CYP2J2: variants seen among roughly 807,000 people sequenced by gnomAD.
CYP2J2 encodes cytochrome P450 family 2 subfamily J member 2.
A neutral mutation model predicts 48.8 loss-of-function variants in CYP2J2; 41 were observed. The ratio of observed to expected loss-of-function variants is 0.84; its 90% CI spans 0.66 to 1.09. CYP2J2 has a LOEUF of 1.09. Ranked by LOEUF, CYP2J2 falls within the 50% of genes least tolerant of loss-of-function variation. The pLI, the probability that CYP2J2 is intolerant of heterozygous loss-of-function variation, is 0.00. For synonymous variants in CYP2J2, 221 were observed against 227.1 expected (o/e 0.97, Z 0.24); for missense variants, 644 against 617.3 (o/e 1.04, Z -0.46).
the CYP2J2 span, among the ~76,000 whole-genome samples, chr1:59,958,322 C>G: frequency 4.5e-4 from 68 of 152,292 alleles, 1 homozygote; most frequent in Admixed American, 3.5e-3. Context: ...TTGGAATTCA[C>G]AGTTTATTAT....
intron 1 of CYP2J2, among the ~76,000 whole-genome samples, chr1:59,925,331 A>C (rs1025517102): frequency 6.6e-6 from 1 of 152,194 alleles, no homozygotes; most frequent in African/African-American, 2.4e-5. Context: ...ACTTCACCCA[A>C]CAATAATTTA....
chr1:59,920,003 G>GA (rs1400356274), intron 1 of CYP2J2, among the ~76,000 whole-genome samples: 2 of 151,788 alleles, frequency 1.3e-5, no homozygotes, highest in Non-Finnish European at 2.9e-5. Flanking sequence ...TGACTGTGCA[G>GA]AAAAAAAATG....
At chr1:59,929,463 A>G (rs1462558076), upstream of CYP2J2, among the ~76,000 whole-genome samples, 1 of 152,242 alleles carries the variant, frequency 6.6e-6, no homozygotes, top group African/African-American at 2.4e-5. Flanking sequence ...CAAAGACTGT[A>G]AAGCAACTTA....
chr1:59,917,609 T>A (rs1200136524), intron 1 of CYP2J2, among the ~76,000 whole-genome samples: 2 of 151,618 alleles, frequency 1.3e-5, no homozygotes, highest in Non-Finnish European at 2.9e-5. Context: ...TAAGAATGAG[T>A]GAGAGTGAGA....
chr1:59,916,457 T>C (rs1339875540), intron 1 of CYP2J2, among the ~76,000 whole-genome samples: 2 of 152,172 alleles, frequency 1.3e-5, no homozygotes, highest in African/African-American at 2.4e-5. Context: ...GTTCTGGCCA[T>C]GTGCAGTGGC....
chr1:59,948,715 C>G, the CYP2J2 span, among the ~76,000 whole-genome samples: 1 of 152,054 alleles, frequency 6.6e-6, no homozygotes, highest in Non-Finnish European at 1.5e-5. Context: ...TCAGTTAAAC[C>G]CTGTGTTGTT....
chr1:59,919,268 T>C (rs1644492571), intron 1 of CYP2J2, among the ~76,000 whole-genome samples: 1 of 152,250 alleles, frequency 6.6e-6, no homozygotes, highest in African/African-American at 2.4e-5. Context: ...GTTTATGTCT[T>C]TCAAACATTT....
the CYP2J2 span, among the ~76,000 whole-genome samples, chr1:59,965,658 T>C: frequency 6.6e-6 from 1 of 150,776 alleles, no homozygotes; most frequent in Non-Finnish European, 1.5e-5. Context: ...CAAATTCTGT[T>C]TTTTTGTTTT....
chr1:59,957,025 T>C, the CYP2J2 span, among the ~76,000 whole-genome samples: 1 of 152,220 alleles, frequency 6.6e-6, no homozygotes, highest in Non-Finnish European at 1.5e-5. Context: ...ATCCCCATCA[T>C]GCCTGTTCCA....
At chr1:59,920,670 C>G (rs759191110) in intron 1 of CYP2J2, among the ~76,000 whole-genome samples, 1 of 151,956 alleles carries the variant, frequency 6.6e-6, no homozygotes, top group East Asian at 1.9e-4. Context: ...GGTTTTCAAT[C>G]AGAATTCTAA....
rs933401471 is a variant in CYP2J2, at chr1:59,912,465, A to G, written c.374-154T>C. The G allele has an allele frequency of 3.2e-5, 23 of 723,842 alleles. No homozygotes were observed. The Middle Eastern group carries it at 1.6e-3, about 52-fold the overall frequency. 44.8% of individuals were successfully genotyped at this position (723,842 alleles called of 1,614,324 possible). A position where few individuals can be genotyped will look rare whatever the true frequency, so the allele number is the denominator to read the frequency against. On this transcript the variant is annotated intron_variant, in intron 2 of 8. Coordinates refer to ENST00000371204, the MANE Select transcript of CYP2J2 (RefSeq NM_000775.4). The stretch of plus-strand genomic sequence containing the variant: ...AAATAATCCCAAAGCAATGGATATA[A>G]TGGCTAATATTTACTGATTGCTTGC...
At chr1:59,909,240 T>C (rs543314001) in intron 5 of CYP2J2, among the ~76,000 whole-genome samples, 184 of 152,290 alleles carry the variant, frequency 1.2e-3, no homozygotes, top group Non-Finnish European at 2.3e-3. Context: ...GGCTGAGTAA[T>C]GACCCGCAAA....
the CYP2J2 span, among the ~76,000 whole-genome samples, chr1:59,960,209 C>A: frequency 6.6e-6 from 1 of 151,928 alleles, no homozygotes; most frequent in African/African-American, 2.4e-5. Flanking sequence ...GGGAAAACAG[C>A]CAATAAGGAT....
chr1:59,893,857 A>G, intron 8 of CYP2J2, 28 bp from the exon 9 acceptor site: 1 of 1,579,182 alleles, frequency 6.3e-7, no homozygotes, highest in Non-Finnish European at 8.6e-7. Flanking sequence ...AAGACGGGTT[A>G]TCTTCTCAGG....
At chr1:59,906,814 A>G (rs1228927443) in intron 6 of CYP2J2, among the ~76,000 whole-genome samples, 1 of 152,216 alleles carries the variant, frequency 6.6e-6, no homozygotes, top group Non-Finnish European at 1.5e-5. Flanking sequence ...TATAAAGCAT[A>G]CATTATGCAA....
the CYP2J2 span, among the ~76,000 whole-genome samples, chr1:59,951,550 G>C: frequency 1.3e-5 from 2 of 152,240 alleles, no homozygotes; most frequent in South Asian, 2.1e-4. Context: ...AACTAGGCTT[G>C]GGTCCTATTT....
chr1:59,928,935 C>A (rs76909898), upstream of CYP2J2, among the ~76,000 whole-genome samples: 1,245 of 152,322 alleles, frequency 8.2e-3, 14 homozygotes, highest in African/African-American at 0.028. Flanking sequence ...ATCTCAAAGT[C>A]TGGCCTCAAA....
chr1:59,958,956 C>T, the CYP2J2 span, among the ~76,000 whole-genome samples: 1 of 152,262 alleles, frequency 6.6e-6, no homozygotes, highest in South Asian at 2.1e-4. Context: ...CATTCACTTA[C>T]CTTATCTGCC....
the CYP2J2 span, among the ~76,000 whole-genome samples, chr1:59,954,125 C>T: frequency 2.6e-5 from 4 of 152,140 alleles, no homozygotes; most frequent in Non-Finnish European, 4.4e-5. Flanking sequence ...CTGATATTCA[C>T]GGAAGTGTGT....
Sources: allele counts gnomAD v4.1 joint callset (sites outside exome capture counted in the v4.1 genomes callset), GRCh38; gene constraint gnomAD v4.1.1; transcripts MANE v1.5; gene names NCBI Gene and HGNC (gene_info 2026-07-23, HGNC 2026-07-21).